The following UCN3 variants were observed in gnomAD, a reference collection of about 807,000 sequenced individuals.
UCN3 encodes urocortin-3.
UCN3 carries 3 observed loss-of-function variants against 3.6 expected under a neutral mutation model. The ratio of observed to expected loss-of-function variants is 0.83; its 90% CI spans 0.38 to 2.15. The LOEUF (loss-of-function observed/expected upper bound fraction) is 2.15, where lower values mean the gene tolerates loss of function less well. UCN3 is among the 30% of genes most tolerant of loss of function. The probability of loss-of-function intolerance (pLI) is 0.06; values close to 1 mark genes in which losing one functional copy is unlikely to be tolerated. For missense variants in UCN3, 206 were observed against 208.3 expected, an observed-to-expected ratio of 0.99 and a Z score of 0.07; for synonymous variants, 100 against 93.2, an observed-to-expected ratio of 1.07 and a Z score of -0.42.
rs1378735017 is a variant in UCN3, at chr10:5,373,967, A to T, written c.247A>T (p.Ile83Phe). 3.1e-6 allele frequency: 5 copies of T among 1,610,416 alleles called. No homozygotes were observed. In the African/African-American group the frequency reaches 6.7e-5, roughly 22 times the overall value. ...EEGKEKKTFP[I>F]SGARGGARGT... ...GGGCAAAGAGAAAAAGACTTTCCCC[A>T]TCTCTGGGGCCAGGGGTGGAGCCAG... The change falls in exon 2 of 2, where the codon ATC (isoleucine) becomes TTC (phenylalanine). Residue 83 changes from isoleucine to phenylalanine, a missense_variant. Transcript: ENST00000380433.
rs781902197 is a variant in UCN3, at chr10:5,369,923, GTA to G, written c.-6-3790_-6-3789del. On this transcript the variant is annotated intron_variant, in intron 1 of 1. Transcript: ENST00000380433. ...TATATGTGTGTGTGTATATGTGTGT[GTA>G]TGTGTGTGTGTGTATGTGTGTGTAT... 1.9e-4 allele frequency among the ~76,000 whole-genome samples: 18 copies of G among 95,968 alleles called. 5 individuals carry two copies. The highest frequency in any genetic ancestry group is 2.6e-4 in the Admixed American group (2 of 7,820). 63.0% of individuals were successfully genotyped at this position (95,968 alleles called of 152,430 possible).
chr10:5,372,923 C>T lies in UCN3; in HGVS notation c.-6-792C>T, dbSNP rs191375887. Among the ~76,000 whole-genome samples the T allele has an allele frequency of 1.1e-4, 16 of 152,044 alleles. No individual in the cohort carries two copies. In the East Asian group the frequency reaches 1.4e-3, roughly 13 times the overall value. ...GGTCCCTAGAGACTAGCATCCTTTC[C>T]GAGCTCTCAGTGTTTCCTTCTTGCC... On this transcript the variant is annotated intron_variant, in intron 1 of 1. Transcript: ENST00000380433.
At chr10:5,369,408 T>C (rs973938892) in intron 1 of UCN3, among the ~76,000 whole-genome samples, 1 of 152,238 alleles carries the variant, frequency 6.6e-6, no homozygotes, top group African/African-American at 2.4e-5. Context: ...ATACACACAT[T>C]GACGTTTCTC....
chr10:5,370,523 ATG>A (rs142770529), intron 1 of UCN3, among the ~76,000 whole-genome samples: 708 of 57,946 alleles, frequency 0.012, 97 homozygotes, highest in East Asian at 0.1. Context: ...ATGTGTGTGT[ATG>A]TGTGTGTGTA....
Position 5,374,441 on chromosome 10 carries a change from G to A in UCN3, c.*235G>A. The A allele has an allele frequency of 5.8e-6, 3 of 518,760 alleles. No homozygotes were observed. The highest frequency in any genetic ancestry group is 1.0e-5 in the Non-Finnish European group (3 of 288,530). 32.1% of individuals were successfully genotyped at this position (518,760 alleles called of 1,614,324 possible). ...AGTGCAGTATTGTCCAACCTTCCCA[G>A]ACACAAAGCAGCTAACGTTCCTCCC... On this transcript the variant is annotated 3_prime_UTR_variant, in exon 2 of 2. Coordinates refer to ENST00000380433, the MANE Select transcript of UCN3 (RefSeq NM_053049.4).
At chr10:5,370,870 T>TGCGC (rs1491371261) in intron 1 of UCN3, among the ~76,000 whole-genome samples, 4 of 116,032 alleles carry the variant, frequency 3.4e-5, no homozygotes, top group African/African-American at 1.4e-4. Context: ...TGCGTGTGTA[T>TGCGC]GTGTGTGTAT....
rs1564443712 is a variant in UCN3, at chr10:5,370,868, T to TGTGTGCGC, written c.-6-2847_-6-2846insGTGTGCGC. Among the ~76,000 whole-genome samples, 5 of 95,534 alleles carry TGTGTGCGC rather than the reference T, an allele frequency of 5.2e-5. 1 individual carries two copies. The highest frequency in any genetic ancestry group is 1.9e-4 in the African/African-American group (5 of 26,510). 62.7% of individuals were successfully genotyped at this position (95,534 alleles called of 152,430 possible). The stretch of plus-strand genomic sequence containing the variant: ...GTGTGTGCGCGTGTGTGTGCGTGTG[T>TGTGTGCGC]ATGTGTGTGTATATGCGTGTGTATA... On this transcript the variant is annotated intron_variant, in intron 1 of 1. Coordinates refer to ENST00000380433, the MANE Select transcript of UCN3 (RefSeq NM_053049.4).
chr10:5,370,920 C>CGTGTGTATATGTGTGTGTTTCTGT (rs1228555166), intron 1 of UCN3, among the ~76,000 whole-genome samples: 11 of 109,898 alleles, frequency 1.0e-4, no homozygotes, highest in Admixed American at 2.9e-4. Context: ...TGTGTATATG[C>CGTGTGTATATGTGTGTGTTTCTGT]GTGTGTATAT....
At chr10:5,371,358 AT>A (rs2119110903) in intron 1 of UCN3, among the ~76,000 whole-genome samples, 1 of 148,172 alleles carries the variant, frequency 6.7e-6, no homozygotes, top group East Asian at 1.9e-4. Context: ...GCATGTATAT[AT>A]GTGTGTATCT....
chr10:5,367,475 T>C lies in UCN3; in HGVS notation c.-7+2245T>C, dbSNP rs1834128149. Among the ~76,000 whole-genome samples the C allele has an allele frequency of 6.6e-6, 1 of 152,236 alleles. No individual in the cohort carries two copies. The highest frequency in any genetic ancestry group is 6.5e-5 in the Admixed American group (1 of 15,290). ...CCTGAATACTAATCTGAATTTCAAT[T>C]CATTCAACAAATATTGATTGAGAAT... On this transcript the variant is annotated intron_variant, in intron 1 of 1. Transcript: ENST00000380433. This position sits in a 1 kb window ranked among gnomAD's most constrained non-coding sequence, Gnocchi z 4.3.
intron 1 of UCN3, among the ~76,000 whole-genome samples, chr10:5,370,153 ATGTGTGTGTATATG>A (rs1443293329): frequency 7.7e-5 from 2 of 25,852 alleles, no homozygotes; most frequent in Non-Finnish European, 1.4e-4. Context: ...GCGTGTGTAT[ATGTGTGTGTATATG>A]TGTGTGTATA....
In UCN3 at chr10:5,370,423, A is replaced by G. The variant is rs377431212; in HGVS notation, c.-6-3292A>G. Among the ~76,000 whole-genome samples, 224 of 37,108 alleles carry G rather than the reference A, an allele frequency of 6.0e-3. 10 individuals carry two copies. Among genetic ancestry groups the G allele is most frequent in the East Asian group, 0.019 (14 of 732 alleles). The allele number at this position is 37,108 out of a possible 152,430, so 24.3% of individuals were successfully genotyped here. On this transcript the variant is annotated intron_variant, in intron 1 of 1. Transcript: ENST00000380433. ...TGTGTGTGTATATGTGTGTGTGTATATGCGTGTGTATATGCGTGTGTATGT... is the reference window on the plus strand; with the variant it reads ...TGTGTGTGTATATGTGTGTGTGTATGTGCGTGTGTATATGCGTGTGTATGT...
Position 5,374,283 on chromosome 10 carries a change from A to AGGGCGAGGGGGGGGAGGGGG in UCN3, c.*80_*81insCGAGGGGGGGGAGGGGGGGG, listed in dbSNP as rs1831474913. ...GAGGGGAGGGCGAGGGGGGGAGGGGAGGGGGAGGGTGCTGTCTGCTGGTTT... is the reference window on the plus strand; with the variant it reads ...GAGGGGAGGGCGAGGGGGGGAGGGGAGGGCGAGGGGGGGGAGGGGGGGGGGAGGGTGCTGTCTGCTGGTTT... On this transcript the variant is annotated 3_prime_UTR_variant, in exon 2 of 2. Coordinates refer to ENST00000380433, the MANE Select transcript of UCN3 (RefSeq NM_053049.4). 1 of 48,912 alleles carries AGGGCGAGGGGGGGGAGGGGG rather than the reference A, an allele frequency of 2.0e-5. No individual in the cohort carries two copies. The highest frequency in any genetic ancestry group is 1.5e-4 in the African/African-American group (1 of 6,472). The allele number at this position is 48,912 out of a possible 1,614,324, so 3.0% of individuals were successfully genotyped here.
chr10:5,370,675 ATGTGTGTGTGTATGTGTGTATATG>A (rs1588400929), intron 1 of UCN3, among the ~76,000 whole-genome samples: 7 of 43,184 alleles, frequency 1.6e-4, no homozygotes, highest in African/African-American at 7.4e-4. Flanking sequence ...ATGTGTGTGT[ATGTGTGTGTGTATGTGTGTATATG>A]TGTGTGTATA....
rs782001501 is a variant in UCN3 at position 5,373,919 on chromosome 10, G to A, written c.199G>A (p.Ala67Thr). 171 of 1,613,380 alleles carry A rather than the reference G, an allele frequency of 1.1e-4. No homozygotes were observed. The highest frequency in any genetic ancestry group is 4.9e-4 in the Middle Eastern group (3 of 6,084). ...CTTCCACTACCTGCGCAGCAGAGAC[G>A]CCTCTTCGGGAGAGGAGGAGGAGGG... Reference protein sequence around the residue: ...RSFHYLRSRDASSGEEEEGKE... With the variant: ...RSFHYLRSRDTSSGEEEEGKE... The change falls in exon 2 of 2, where the codon GCC (alanine) becomes ACC (threonine). Residue 67 changes from alanine to threonine, a missense_variant. Coordinates refer to ENST00000380433, the MANE Select transcript of UCN3 (RefSeq NM_053049.4).
chr10:5,367,403 TAA>T lies in UCN3; in HGVS notation c.-7+2176_-7+2177del, dbSNP rs1834127635. On this transcript the variant is annotated intron_variant, in intron 1 of 1. Coordinates refer to ENST00000380433, the MANE Select transcript of UCN3 (RefSeq NM_053049.4). The surrounding 1 kb of genome is among the most constrained non-coding windows in gnomAD (Gnocchi z 4.3). The stretch of plus-strand genomic sequence containing the variant: ...GAGAATGTACATCCATGAAAGAATT[TAA>T]AAGAGGTTGTTTTGCTTTGGAAAAT... 6.6e-6 allele frequency among the ~76,000 whole-genome samples: 1 copy of T among 152,222 alleles called. No individual in the cohort carries two copies. Among genetic ancestry groups the T allele is most frequent in the Admixed American group, 6.5e-5 (1 of 15,284 alleles).
At position 5,367,178 on chromosome 10, in the gene UCN3, A is replaced by T. The variant is rs1834125710; in HGVS notation, c.-7+1948A>T. 6.6e-6 allele frequency among the ~76,000 whole-genome samples: 1 copy of T among 152,234 alleles called. No homozygotes were observed. Among genetic ancestry groups the T allele is most frequent in the Non-Finnish European group, 1.5e-5 (1 of 68,036 alleles). ...AGGGAACACATCCAGAGGCTAGCCC[A>T]TTGCAAGGGAAAACCTGAACTTTTT... On this transcript the variant is annotated intron_variant, in intron 1 of 1. Transcript: ENST00000380433. The surrounding 1 kb of genome is among the most constrained non-coding windows in gnomAD (Gnocchi z 4.3).
At chr10:5,370,543 GTATA>G (rs1188028416) in intron 1 of UCN3, among the ~76,000 whole-genome samples, 3 of 90,336 alleles carry the variant, frequency 3.3e-5, no homozygotes, top group Admixed American at 1.4e-4. Context: ...GTATATGCGT[GTATA>G]TGTGTGTATA....
At chr10:5,370,119 G>T (rs139910392) in intron 1 of UCN3, among the ~76,000 whole-genome samples, 1 of 50,118 alleles carries the variant, frequency 2.0e-5, no homozygotes, top group Non-Finnish European at 3.6e-5. Context: ...ATATGTGTGT[G>T]TATGTGTGTG....
Sources: gnomAD v4.1 joint callset for allele counts (sites outside exome capture counted in the v4.1 genomes callset) on GRCh38, gnomAD v4.1.1 for gene constraint, Gnocchi (gnomAD v3.1) non-coding constraint, MANE v1.5 for transcripts, NCBI Gene and HGNC (gene_info 2026-07-23, HGNC 2026-07-21) for gene names.